RUNX2: variants seen among roughly 807,000 people sequenced by gnomAD.
RUNX2 encodes the protein RUNX family transcription factor 2, also known as runt-related transcription factor 2.
Under a neutral mutation model 51.7 loss-of-function variants are expected in RUNX2, and 10 were observed. The observed-to-expected ratio is 0.19, with a 90% CI of 0.12 to 0.33. The LOEUF (loss-of-function observed/expected upper bound fraction) is 0.33, where lower values mean the gene tolerates loss of function less well. Among genes scored for constraint, RUNX2 ranks in the 10% least tolerant of loss-of-function variants. RUNX2 has a pLI of 1.00. For synonymous variants in RUNX2, 276 were observed against 273.6 expected, an observed-to-expected ratio of 1.01 and a Z score of -0.09; for missense variants, 562 against 691.3, an observed-to-expected ratio of 0.81 and a Z score of 2.10.
intron 5 of RUNX2, among the ~76,000 whole-genome samples, chr6:45,443,743 C>T (rs1002192492): frequency 1.3e-5 from 2 of 152,154 alleles, no homozygotes; most frequent in Non-Finnish European, 2.9e-5. Context: ...ATTAGCAGAT[C>T]ACTACTCAAG....
rs115754263 is a variant in RUNX2, at chr6:45,522,716, T to C, written c.1021+10309T>C. Among the ~76,000 whole-genome samples the C allele has an allele frequency of 7.1e-3, 1,074 of 152,302 alleles. 5 individuals are homozygous for C. Among genetic ancestry groups the C allele is most frequent in the Non-Finnish European group, 0.011 (734 of 68,024 alleles). ...GGCCTGGCCTTCTAATCCCTTTCTA[T>C]CTCTAACTCCTACTCCGATGCTCAG... On this transcript the variant is annotated intron_variant, in intron 7 of 8. Coordinates refer to ENST00000647337, the MANE Select transcript of RUNX2 (RefSeq NM_001024630.4).
intron 2 of RUNX2, among the ~76,000 whole-genome samples, chr6:45,356,509 T>C (rs1333232746): frequency 1.3e-5 from 2 of 152,058 alleles, no homozygotes; most frequent in Non-Finnish European, 2.9e-5. Context: ...GCAATTCTCC[T>C]GCCTCAGCCT....
At chr6:45,335,313 T>C (rs1335450015) in intron 2 of RUNX2, among the ~76,000 whole-genome samples, 3 of 151,398 alleles carry the variant, frequency 2.0e-5, no homozygotes, top group East Asian at 3.9e-4. Flanking sequence ...GTGAATTTAC[T>C]TTGAAGCTTA....
intron 6 of RUNX2, among the ~76,000 whole-genome samples, chr6:45,492,887 G>A (rs1268324622): frequency 6.6e-6 from 1 of 152,158 alleles, no homozygotes; most frequent in Non-Finnish European, 1.5e-5. Context: ...GCAGATAAAA[G>A]TATTGAGAGC....
At chr6:45,424,760 A>T (rs896849996) in intron 3 of RUNX2, among the ~76,000 whole-genome samples, 2 of 152,118 alleles carry the variant, frequency 1.3e-5, no homozygotes, top group South Asian at 4.1e-4. Flanking sequence ...ATCAGAATGA[A>T]TTGTTATGGA....
intron 5 of RUNX2, among the ~76,000 whole-genome samples, chr6:45,485,417 G>C (rs1295699169): frequency 1.3e-5 from 2 of 151,462 alleles, no homozygotes; most frequent in African/African-American, 4.9e-5. Flanking sequence ...GGTCAGGCTG[G>C]TCTCGAACTC....
chr6:45,330,044 A>G (rs1379005786), intron 2 of RUNX2, among the ~76,000 whole-genome samples: 1 of 151,866 alleles, frequency 6.6e-6, no homozygotes, highest in Non-Finnish European at 1.5e-5. Context: ...TTTAGGTCAA[A>G]CAGAAATAAT....
Position 45,422,906 on chromosome 6 carries a change from G to T in RUNX2, c.372G>T (p.Ser124=). The T allele has an allele frequency of 1.2e-6, 2 of 1,612,776 alleles. No individual in the cohort carries two copies. Among genetic ancestry groups the T allele is most frequent in the South Asian group, 1.1e-5 (1 of 91,064 alleles). ...CCGACAGCCCCAACTTCCTGTGCTC[G>T]GTGCTGCCCTCGCACTGGCGCTGCA... ...VRTDSPNFLC[S]VLPSHWRCNK... is the part of the protein sequence containing the mutation. The change falls in exon 3 of 9, where the codon TCG becomes TCT. Residue 124 remains serine, a synonymous_variant. Coordinates refer to ENST00000647337, the MANE Select transcript of RUNX2 (RefSeq NM_001024630.4).
At chr6:45,490,151 ACTTCATAGGTGAACAC>A (rs1317832154) in intron 5 of RUNX2, among the ~76,000 whole-genome samples, 4 of 152,318 alleles carry the variant, frequency 2.6e-5, no homozygotes, top group African/African-American at 9.6e-5. Flanking sequence ...GGCCTCAGTC[ACTTCATAGGTGAACAC>A]CTTACTTGCC....
At chr6:45,433,999 G>C (rs1162874378) in intron 4 of RUNX2, among the ~76,000 whole-genome samples, 1 of 152,196 alleles carries the variant, frequency 6.6e-6, no homozygotes, top group Admixed American at 6.5e-5. Context: ...CCAGAGGCAG[G>C]ATGGAGAAAT....
intron 2 of RUNX2, among the ~76,000 whole-genome samples, chr6:45,408,205 G>A (rs536540032): frequency 8.9e-4 from 135 of 151,040 alleles, no homozygotes; most frequent in African/African-American, 2.8e-3. Flanking sequence ...TCGCTCTGTC[G>A]CCCAGGCTGG....
At chr6:45,507,649 T>C (rs1440601294) in intron 6 of RUNX2, among the ~76,000 whole-genome samples, 1 of 152,168 alleles carries the variant, frequency 6.6e-6, no homozygotes, top group Non-Finnish European at 1.5e-5. Flanking sequence ...GTACAGTATT[T>C]GAAAATACAC....
intron 2 of RUNX2, among the ~76,000 whole-genome samples, chr6:45,353,185 G>A (rs1792431380): frequency 6.6e-6 from 1 of 152,006 alleles, no homozygotes; most frequent in African/African-American, 2.4e-5. Context: ...GAATTGCACA[G>A]ACCAATGTCT....
At chr6:45,356,308 A>G (rs1393350117) in intron 2 of RUNX2, among the ~76,000 whole-genome samples, 1 of 152,104 alleles carries the variant, frequency 6.6e-6, no homozygotes, top group Non-Finnish European at 1.5e-5. Context: ...TATATATTTT[A>G]GTATATTAAA....
rs145287235 is a variant in RUNX2 at position 45,401,613 on chromosome 6, G to A, written c.59-20980G>A. On this transcript the variant is annotated intron_variant, in intron 2 of 8. Transcript: ENST00000647337. The stretch of plus-strand genomic sequence containing the variant: ...TGCCATGAGAATTAAATTGGATAAT[G>A]CAGGCTTTCAAAACTGCAACCAGTA... Among the ~76,000 whole-genome samples, 682 of 152,316 alleles carry A rather than the reference G, an allele frequency of 4.5e-3. 3 individuals are homozygous for A. Among genetic ancestry groups the A allele is most frequent in the African/African-American group, 0.014 (600 of 41,556 alleles).
chr6:45,421,523 G>C (rs1798187940), intron 2 of RUNX2: 1 of 152,186 alleles, frequency 6.6e-6, no homozygotes, highest in Admixed American at 6.5e-5. Flanking sequence ...AGAGTGCTGA[G>C]AAGTCAGCAC....
intron 2 of RUNX2, chr6:45,421,167 CTT>C (rs1798176995): frequency 6.6e-6 from 1 of 152,156 alleles, no homozygotes; most frequent in African/African-American, 2.4e-5. Flanking sequence ...GTAGAATAGA[CTT>C]AATAAAATAT....
intron 2 of RUNX2, among the ~76,000 whole-genome samples, chr6:45,353,023 A>C (rs1387022019): frequency 2.0e-5 from 3 of 152,120 alleles, no homozygotes; most frequent in Non-Finnish European, 1.5e-5. Context: ...CAAATATTAA[A>C]GAAAACTGAG....
chr6:45,353,708 A>C (rs1446444030), intron 2 of RUNX2, among the ~76,000 whole-genome samples: 2 of 152,120 alleles, frequency 1.3e-5, no homozygotes, highest in Admixed American at 1.3e-4. Flanking sequence ...AATCAAGGGT[A>C]GGACATTCTG....
Sources: allele counts gnomAD v4.1 joint callset (sites outside exome capture counted in the v4.1 genomes callset), GRCh38; gene constraint gnomAD v4.1.1; transcripts MANE v1.5; gene names NCBI Gene and HGNC (gene_info 2026-07-23, HGNC 2026-07-21).